The following ADGRL3 variants were observed in gnomAD, a reference collection of about 807,000 sequenced individuals.
The protein encoded by ADGRL3 is adhesion G protein-coupled receptor L3.
ADGRL3 carries 62 observed loss-of-function variants against 153.5 expected under a neutral mutation model. That is an observed-to-expected ratio of 0.40 (90% CI 0.33 to 0.50). The LOEUF (loss-of-function observed/expected upper bound fraction) is 0.50. Ranked by LOEUF, ADGRL3 falls within the 20% of genes least tolerant of loss-of-function variation. The pLI is 0.47. For synonymous variants in ADGRL3, 710 were observed against 672.5 expected (o/e 1.06, Z -0.86); for missense variants, 1,641 against 1,859.4 (o/e 0.88, Z 2.16).
intron 17 of ADGRL3, among the ~76,000 whole-genome samples, chr4:61,951,847 C>G (rs577427912): frequency 6.6e-6 from 1 of 152,148 alleles, no homozygotes; most frequent in Non-Finnish European, 1.5e-5. Flanking sequence ...TTTGAGCGAC[C>G]AAGCAAGACT....
intron 8 of ADGRL3, among the ~76,000 whole-genome samples, chr4:61,756,965 G>A (rs926593143): frequency 6.6e-5 from 10 of 152,196 alleles, no homozygotes; most frequent in Non-Finnish European, 1.2e-4. Flanking sequence ...TCCCAGGGAT[G>A]AAGCCCACTT....
chr4:62,067,501 A>G (rs1349513056), intron 25 of ADGRL3, among the ~76,000 whole-genome samples: 1 of 152,042 alleles, frequency 6.6e-6, no homozygotes, highest in African/African-American at 2.4e-5. Context: ...TAATAAATAA[A>G]TGTAACCTTT....
intron 8 of ADGRL3, among the ~76,000 whole-genome samples, chr4:61,797,773 C>T (rs1243412380): frequency 1.3e-5 from 2 of 151,996 alleles, no homozygotes; most frequent in African/African-American, 4.8e-5. Context: ...CAATGAATTC[C>T]CAGTTCTTAA....
chr4:61,422,534 CTAA>C (rs1254961065), intron 2 of ADGRL3, among the ~76,000 whole-genome samples: 1 of 152,016 alleles, frequency 6.6e-6, no homozygotes, highest in Non-Finnish European at 1.5e-5. Flanking sequence ...ATATTATTTA[CTAA>C]TGTTTCTAAG....
At chr4:61,780,405 T>C (rs1388862391) in intron 8 of ADGRL3, among the ~76,000 whole-genome samples, 1 of 152,052 alleles carries the variant, frequency 6.6e-6, no homozygotes, top group Non-Finnish European at 1.5e-5. Context: ...GCGGGAGAGG[T>C]GAAAAATGGA....
At chr4:62,057,831 C>G (rs72640039) in intron 25 of ADGRL3, among the ~76,000 whole-genome samples, 30,279 of 151,952 alleles carry the variant, frequency 0.2, 3,290 homozygotes, top group Middle Eastern at 0.31. Context: ...GCACACTCCG[C>G]CACGCCTGGC....
intron 2 of ADGRL3, among the ~76,000 whole-genome samples, chr4:61,412,278 G>A (rs1300663211): frequency 6.6e-6 from 1 of 152,018 alleles, no homozygotes; most frequent in Non-Finnish European, 1.5e-5. Flanking sequence ...CATAGGGACA[G>A]GGTCTTGTTT....
At chr4:62,055,667 C>T (rs1022812963) in intron 25 of ADGRL3, among the ~76,000 whole-genome samples, 11 of 151,252 alleles carry the variant, frequency 7.3e-5, no homozygotes, top group Admixed American at 4.0e-4. Flanking sequence ...AGATTCTATT[C>T]GTTGTTTTTT....
At chr4:61,918,890 A>G (rs1326315961) in intron 13 of ADGRL3, among the ~76,000 whole-genome samples, 1 of 152,236 alleles carries the variant, frequency 6.6e-6, no homozygotes, top group African/African-American at 2.4e-5. Flanking sequence ...GACAAAGTGC[A>G]AATTGAATTA....
At chr4:61,435,939 AGTC>A (rs2097440223) in intron 2 of ADGRL3, among the ~76,000 whole-genome samples, 1 of 151,960 alleles carries the variant, frequency 6.6e-6, no homozygotes, top group Non-Finnish European at 1.5e-5. Flanking sequence ...TTTTTGTAGT[AGTC>A]ACATTTTAAA....
intron 17 of ADGRL3, among the ~76,000 whole-genome samples, chr4:61,958,690 T>C (rs2098976957): frequency 6.6e-6 from 1 of 152,056 alleles, no homozygotes. Flanking sequence ...ACTCCCTCAC[T>C]ATCACAAGAA....
chr4:61,789,277 C>CTGTG (rs147159756), intron 8 of ADGRL3, among the ~76,000 whole-genome samples: 30 of 149,096 alleles, frequency 2.0e-4, no homozygotes, highest in African/African-American at 6.1e-4. Context: ...CTCTCTGTCT[C>CTGTG]TGTGTGTGTG....
intron 8 of ADGRL3, among the ~76,000 whole-genome samples, chr4:61,750,699 A>T (rs997348879): frequency 6.0e-5 from 9 of 151,102 alleles, no homozygotes; most frequent in Admixed American, 2.0e-4. Context: ...CTGAGGCAGG[A>T]GAATGGCGTG....
At chr4:61,617,965 A>T (rs2092187672) in intron 5 of ADGRL3, among the ~76,000 whole-genome samples, 1 of 152,194 alleles carries the variant, frequency 6.6e-6, no homozygotes, top group Admixed American at 6.5e-5. Context: ...ACTGTTTGAA[A>T]TATTTAATAC....
At chr4:61,732,727 T>A in intron 7 of ADGRL3, 27 bp from the exon 8 acceptor site, 3 of 1,251,150 alleles carry the variant, frequency 2.4e-6, no homozygotes, top group Non-Finnish European at 3.2e-6. Flanking sequence ...ATATATTTAT[T>A]TATTTTAACT....
At chr4:61,773,178 G>A (rs1364181092) in intron 8 of ADGRL3, among the ~76,000 whole-genome samples, 1 of 152,134 alleles carries the variant, frequency 6.6e-6, no homozygotes, top group Non-Finnish European at 1.5e-5. Context: ...GGATAATACC[G>A]AGCTGGAGAA....
At chr4:61,387,247 G>T (rs2096748397) in intron 2 of ADGRL3, among the ~76,000 whole-genome samples, 1 of 152,048 alleles carries the variant, frequency 6.6e-6, no homozygotes, top group Admixed American at 6.6e-5. Context: ...ACTTAACAGG[G>T]TAATAGAATA....
intron 9 of ADGRL3, among the ~76,000 whole-genome samples, chr4:61,859,669 T>A (rs1055836611): frequency 8.5e-5 from 13 of 152,162 alleles, no homozygotes; most frequent in Non-Finnish European, 2.9e-5. Flanking sequence ...TGTAAATAAG[T>A]TTTAAAACAC....
intron 9 of ADGRL3, among the ~76,000 whole-genome samples, chr4:61,844,416 G>T (rs1171634644): frequency 6.7e-6 from 1 of 149,474 alleles, no homozygotes; most frequent in Non-Finnish European, 1.5e-5. Context: ...GCATGGTGGT[G>T]GACACCTGTA....
Sources: allele counts gnomAD v4.1 joint callset (sites outside exome capture counted in the v4.1 genomes callset), GRCh38; gene constraint gnomAD v4.1.1; transcripts MANE v1.5; gene names NCBI Gene and HGNC (gene_info 2026-07-23, HGNC 2026-07-21).